Variants in PHF20 observed in about 807,000 individuals in gnomAD.
PHF20 encodes PHD finger protein 20.
PHF20 carries 23 observed loss-of-function variants against 113.5 expected under a neutral mutation model. That is an observed-to-expected ratio of 0.20 (90% confidence interval 0.15 to 0.29). The LOEUF is 0.29. Ranked by LOEUF, PHF20 falls within the 10% of genes least tolerant of loss-of-function variation. The probability of loss-of-function intolerance (pLI) is 1.00; values close to 1 mark genes in which losing one functional copy is unlikely to be tolerated. For synonymous variants in PHF20, 434 were observed against 457.3 expected (o/e 0.95, Z 0.65); for missense variants, 943 against 1,219.6 (o/e 0.77, Z 3.38).
At chr20:35,917,384 G>T in intron 12 of PHF20, 100 bp from the exon 13 acceptor site, 1 of 1,014,498 alleles carries the variant, frequency 9.9e-7, no homozygotes, top group Non-Finnish European at 1.5e-6. Flanking sequence ...GTTCTTGTTT[G>T]GAGGTATGGG....
chr20:35,935,269 T>G (rs2055842660), intron 15 of PHF20, among the ~76,000 whole-genome samples: 1 of 152,124 alleles, frequency 6.6e-6, no homozygotes, highest in African/African-American at 2.4e-5. Context: ...GCGCCTGCAT[T>G]TCTTTTCATT....
intron 9 of PHF20, among the ~76,000 whole-genome samples, chr20:35,885,054 G>A (rs1204754082): frequency 6.6e-6 from 1 of 151,984 alleles, no homozygotes. Context: ...AGCTGGTCTC[G>A]AACTCCTGAC....
chr20:35,904,767 C>CTCCCCCTTCCTTCCTTCCTTCCT, intron 10 of PHF20, among the ~76,000 whole-genome samples: 1 of 125,688 alleles, frequency 8.0e-6, no homozygotes, highest in East Asian at 2.2e-4. Context: ...GATTTCTTTT[C>CTCCCCCTTCCTTCCTTCCTTCCT]TCCTTCCTTC....
Position 35,931,314 on chromosome 20 carries a change from C to T in PHF20, c.2170C>T (p.Leu724=), listed in dbSNP as rs1212754113. The T allele has an allele frequency of 2.5e-6, 4 of 1,613,926 alleles. No homozygotes were observed. The highest frequency in any genetic ancestry group is 3.4e-6 in the Non-Finnish European group (4 of 1,179,992). ...EWLSRGHMHG[L]AFLEENYSHQ... is the part of the protein sequence containing the mutation. The stretch of plus-strand genomic sequence containing the variant: ...GCTGAGCAGGGGACATATGCATGGC[C>T]TGGCATTTCTAGAAGAGAACTACTC... Residue 724 remains leucine (L), a synonymous_variant, in exon 15 of 18, where the codon CTG becomes TTG. Transcript: ENST00000374012.
chr20:35,915,886 A>G (rs1013663221), intron 12 of PHF20, among the ~76,000 whole-genome samples: 6 of 152,146 alleles, frequency 3.9e-5, no homozygotes, highest in African/African-American at 9.7e-5. Context: ...TGTAATCCCA[A>G]CACTCTGGGA....
At chr20:35,814,745 T>C (rs866193742) in intron 2 of PHF20, among the ~76,000 whole-genome samples, 6,821 of 137,670 alleles carry the variant, frequency 0.05, 201 homozygotes, top group African/African-American at 0.093. Flanking sequence ...TAGTGGCGGG[T>C]GCCTGTAGTC....
At chr20:35,846,319 C>T (rs956387052) in intron 3 of PHF20, among the ~76,000 whole-genome samples, 1 of 151,808 alleles carries the variant, frequency 6.6e-6, no homozygotes, top group African/African-American at 2.4e-5. Flanking sequence ...GCTGGGATTA[C>T]AGGTGGCCGC....
At chr20:35,943,191 C>T (rs746668077) in intron 17 of PHF20, among the ~76,000 whole-genome samples, 13 of 151,818 alleles carry the variant, frequency 8.6e-5, no homozygotes, top group Non-Finnish European at 1.6e-4. Context: ...TTTAAAAAGC[C>T]GGCCTGCTTA....
chr20:35,846,435 A>G (rs897258425), intron 3 of PHF20, among the ~76,000 whole-genome samples: 3 of 152,168 alleles, frequency 2.0e-5, no homozygotes, highest in African/African-American at 7.2e-5. Context: ...GAGTGCTGGG[A>G]TTACAGGTGT....
intron 1 of PHF20, among the ~76,000 whole-genome samples, chr20:35,789,438 A>C (rs113413267): frequency 0.015 from 2,269 of 151,976 alleles, 36 homozygotes; most frequent in African/African-American, 0.045. Context: ...CAAAAAAAAA[A>C]AAAAAACAAA....
chr20:35,925,415 A>AC (rs765383173), intron 13 of PHF20, among the ~76,000 whole-genome samples: 3 of 152,040 alleles, frequency 2.0e-5, no homozygotes, highest in Non-Finnish European at 2.9e-5. Context: ...GGCGCCTGCC[A>AC]CCATGCCTCC....
intron 1 of PHF20, among the ~76,000 whole-genome samples, chr20:35,784,514 G>A (rs1469912952): frequency 7.6e-6 from 1 of 132,398 alleles, no homozygotes; most frequent in Non-Finnish European, 1.5e-5. Context: ...TCTGCTTACT[G>A]CAACCTCTGC....
intron 4 of PHF20, chr20:35,849,475 T>C (rs2042680592): frequency 2.2e-6 from 1 of 464,810 alleles, no homozygotes; most frequent in Admixed American, 2.4e-5. Flanking sequence ...ATGGTGCAGG[T>C]TAATCATGGT....
At chr20:35,911,722 G>A (rs1234434825) in intron 10 of PHF20, among the ~76,000 whole-genome samples, 6 of 152,072 alleles carry the variant, frequency 3.9e-5, no homozygotes, top group African/African-American at 7.2e-5. Flanking sequence ...GCAATGGTGC[G>A]ATCTGGGCTC....
chr20:35,870,712 A>G (rs1409007955), intron 7 of PHF20, among the ~76,000 whole-genome samples: 1 of 152,174 alleles, frequency 6.6e-6, no homozygotes, highest in Non-Finnish European at 1.5e-5. Flanking sequence ...AGATTCGGAC[A>G]TGACCTAGCA....
At chr20:35,927,712 G>C (rs1403701906) in intron 13 of PHF20, 68 bp from the exon 14 acceptor site, 3 of 1,192,822 alleles carry the variant, frequency 2.5e-6, no homozygotes, top group African/African-American at 3.0e-5. Context: ...CCCTCAGCAG[G>C]TGGGTCTTAC....
At position 35,863,396 on chromosome 20, in the gene PHF20, T is replaced by C; in HGVS notation, c.804T>C (p.Pro268=). The part of the protein sequence containing the change: ...RKRGRPPSIA[P]TAVDSNSQTL... ...GAGGCAGACCCCCTTCCATAGCTCCTACTGGTGAGTTTTTTAAGTGGGCTC... is the reference window on the plus strand; with the variant it reads ...GAGGCAGACCCCCTTCCATAGCTCCCACTGGTGAGTTTTTTAAGTGGGCTC... Residue 268 remains proline, a synonymous_variant, in exon 6 of 18, where the codon CCT becomes CCC. Coordinates refer to ENST00000374012, the MANE Select transcript of PHF20 (RefSeq NM_016436.5). 1 of 1,585,742 alleles carries C rather than the reference T, an allele frequency of 6.3e-7. No individual in the cohort carries two copies. Among genetic ancestry groups the C allele is most frequent in the Non-Finnish European group, 8.5e-7 (1 of 1,170,504 alleles).
intron 1 of PHF20, among the ~76,000 whole-genome samples, chr20:35,789,008 GA>G (rs2041482985): frequency 6.6e-6 from 1 of 152,170 alleles, no homozygotes; most frequent in African/African-American, 2.4e-5. Flanking sequence ...ATAGAGTGAT[GA>G]ATGCTGTGGC....
chr20:35,816,596 C>G (rs1378580429), intron 2 of PHF20, among the ~76,000 whole-genome samples: 1 of 151,128 alleles, frequency 6.6e-6, no homozygotes, highest in Non-Finnish European at 1.5e-5. Context: ...AATACAGGTG[C>G]CTGCCACCAC....
Sources: gnomAD v4.1 joint callset for allele counts (sites outside exome capture counted in the v4.1 genomes callset) on GRCh38, gnomAD v4.1.1 for gene constraint, MANE v1.5 for transcripts, NCBI Gene and HGNC (gene_info 2026-07-23, HGNC 2026-07-21) for gene names.